Variants in ICE1 observed in about 807,000 individuals in gnomAD.
ICE1 encodes the protein little elongation complex subunit 1.
In ICE1, 64 loss-of-function variants were observed where a neutral mutation model predicts 192.7. The ratio of observed to expected loss-of-function variants is 0.33; its 90% CI spans 0.27 to 0.41. ICE1 has a LOEUF of 0.41. Among genes scored for constraint, ICE1 ranks in the 10% least tolerant of loss-of-function variants. ICE1 has a pLI of 1.00. For synonymous variants in ICE1, 1,010 were observed against 984.5 expected (o/e 1.03, Z -0.49); for missense variants, 2,708 against 2,696.0 (o/e 1.00, Z -0.10).
intron 1 of ICE1, among the ~76,000 whole-genome samples, chr5:5,429,734 C>G (rs1737641623): frequency 6.6e-6 from 1 of 152,222 alleles, no homozygotes; most frequent in Non-Finnish European, 1.5e-5. Context: ...CTAGCTTGCT[C>G]CTTGCCCTGT....
At chr5:5,424,328 G>GGAGAACACA (rs1432265217) in intron 1 of ICE1, among the ~76,000 whole-genome samples, 1 of 152,134 alleles carries the variant, frequency 6.6e-6, no homozygotes, top group African/African-American at 2.4e-5. Context: ...AGAACTAACA[G>GGAGAACACA]ATCATTGCCT....
chr5:5,453,273 G>C (rs1208252039), intron 10 of ICE1, among the ~76,000 whole-genome samples: 1 of 152,074 alleles, frequency 6.6e-6, no homozygotes, highest in Non-Finnish European at 1.5e-5. Context: ...CTGAAAAATG[G>C]ATATGGCTCA....
At chr5:5,449,033 T>G (rs1216595451) in intron 10 of ICE1, among the ~76,000 whole-genome samples, 2 of 151,286 alleles carry the variant, frequency 1.3e-5, no homozygotes, top group African/African-American at 4.8e-5. Flanking sequence ...CTGACAGATT[T>G]GTTTTACAAT....
Position 5,465,023 on chromosome 5 carries a change from GT to G in ICE1, c.5692del (p.Ser1898HisfsTer5). On this transcript the variant is annotated frameshift_variant, in exon 13 of 19. Coordinates refer to ENST00000296564, the MANE Select transcript of ICE1 (RefSeq NM_015325.3). LOFTEE classifies it high-confidence loss of function. The part of the protein sequence containing the change: ...RSCSSPAVSA[V>X]SQLPLSPKET... ...TTGTTCTAGTCCAGCCGTCAGTGCAGTTTCACAGTTGCCTTTAAGCCCAAAA... is the reference window on the plus strand; with the variant it reads ...TTGTTCTAGTCCAGCCGTCAGTGCAGTTCACAGTTGCCTTTAAGCCCAAAA... 6.2e-7 allele frequency: 1 copy of G among 1,613,968 alleles called. No homozygotes were observed. Among genetic ancestry groups the G allele is most frequent in the Non-Finnish European group, 8.5e-7 (1 of 1,179,888 alleles).
At chr5:5,441,642 C>G (rs1046006741) in intron 5 of ICE1, among the ~76,000 whole-genome samples, 1 of 152,094 alleles carries the variant, frequency 6.6e-6, no homozygotes, top group Non-Finnish European at 1.5e-5. Flanking sequence ...GTGGCTCTGG[C>G]CTATCTTTGG....
chr5:5,449,107 T>G (rs1738337385), intron 10 of ICE1, among the ~76,000 whole-genome samples: 1 of 152,232 alleles, frequency 6.6e-6, no homozygotes, highest in Non-Finnish European at 1.5e-5. Flanking sequence ...GTAGTTGCTC[T>G]CTCTCCCTAT....
Position 5,462,030 on chromosome 5 carries a change from C to T in ICE1, c.2696C>T (p.Ser899Leu). Residue 899 changes from serine to leucine, a missense_variant, in exon 13 of 19, where the codon TCA (serine) becomes TTA (leucine). By Grantham distance (145) the Ser-to-Leu change is moderately radical. Transcript: ENST00000296564. ...TENSGNKTGM[S>L]TVAKCDGERD... ...AATAGTGGCAACAAAACCGGTATGT[C>T]AACTGTAGCAAAATGTGATGGGGAA... 6.2e-7 allele frequency: 1 copy of T among 1,613,924 alleles called. No individual in the cohort carries two copies. Among genetic ancestry groups the T allele is most frequent in the Non-Finnish European group, 8.5e-7 (1 of 1,179,882 alleles).
At chr5:5,487,052 G>A (rs551476864) in intron 18 of ICE1, among the ~76,000 whole-genome samples, 14 of 152,288 alleles carry the variant, frequency 9.2e-5, no homozygotes, top group African/African-American at 3.4e-4. Flanking sequence ...GCTTTCCTAA[G>A]GAAGAAGAAA....
intron 15 of ICE1, among the ~76,000 whole-genome samples, chr5:5,470,447 T>C (rs991064221): frequency 2.0e-5 from 3 of 152,230 alleles, no homozygotes; most frequent in Non-Finnish European, 4.4e-5. Flanking sequence ...TTAGTAAATG[T>C]ATTTGCTAAA....
chr5:5,452,675 A>G (rs143696540), intron 10 of ICE1, among the ~76,000 whole-genome samples: 175 of 152,252 alleles, frequency 1.1e-3, no homozygotes, highest in African/African-American at 3.9e-3. Flanking sequence ...TTTATAGGGA[A>G]AAGTGTATGT....
chr5:5,433,775 G>C (rs115113105), intron 1 of ICE1, among the ~76,000 whole-genome samples: 303 of 152,166 alleles, frequency 2.0e-3, no homozygotes, highest in African/African-American at 6.9e-3. Context: ...ATGATTTAAC[G>C]CTTAACAGAT....
chr5:5,441,054 A>G (rs899108308), intron 4 of ICE1, 58 bp from the exon 5 acceptor site: 3 of 1,056,566 alleles, frequency 2.8e-6, no homozygotes, highest in Non-Finnish European at 4.2e-6. Context: ...ATAAGCACAT[A>G]TATTTAATAC....
Position 5,461,066 on chromosome 5 carries a change from C to T in ICE1, c.1732C>T (p.Arg578Cys), listed in dbSNP as rs775097404. The T allele has an allele frequency of 3.3e-5, 53 of 1,613,868 alleles. No individual in the cohort carries two copies. The highest frequency in any genetic ancestry group is 4.2e-5 in the Non-Finnish European group (49 of 1,179,888). ...TAATGAAATCACTTCTGAACCAGAC[C>T]GTATCACAGTTTCTGGCCATTTTCA... is the stretch of plus-strand genomic sequence containing the variant. The part of the protein sequence containing the change: ...RINEITSEPD[R>C]ITVSGHFHRL... The change falls in exon 13 of 19, where the codon CGT becomes TGT. Residue 578 changes from arginine (R) to cysteine (C), a missense_variant. Physicochemically the swap from Arg to Cys is radical, Grantham distance 180. This residue lies in a region of ICE1 where 2,366 missense variants were observed against 2,276.6 expected (regional missense o/e 1.04). Transcript: ENST00000296564.
At chr5:5,471,829 G>T (rs1297493190) in intron 15 of ICE1, among the ~76,000 whole-genome samples, 1 of 152,118 alleles carries the variant, frequency 6.6e-6, no homozygotes. Context: ...ATGGTGGGAA[G>T]TATTTCCCTG....
At chr5:5,457,897 C>T (rs1030939983) in intron 12 of ICE1, among the ~76,000 whole-genome samples, 156 bp downstream of exon 12, 2 of 152,118 alleles carry the variant, frequency 1.3e-5, no homozygotes, top group Non-Finnish European at 2.9e-5. Flanking sequence ...AAAAGCATGC[C>T]ACTACCCTTT....
At chr5:5,475,170 G>C (rs954380290) in intron 16 of ICE1, among the ~76,000 whole-genome samples, 15 of 152,086 alleles carry the variant, frequency 9.9e-5, no homozygotes, top group Non-Finnish European at 1.5e-4. Flanking sequence ...AAGATGCTTC[G>C]TCCACGATCC....
chr5:5,441,670 G>A (rs1322471384), intron 5 of ICE1, among the ~76,000 whole-genome samples: 1 of 152,204 alleles, frequency 6.6e-6, no homozygotes, highest in East Asian at 1.9e-4. Flanking sequence ...AGTGGTGAAT[G>A]AAGCGTGTAG....
chr5:5,448,644 TCTCA>T, intron 10 of ICE1, among the ~76,000 whole-genome samples: 1 of 151,740 alleles, frequency 6.6e-6, no homozygotes, highest in East Asian at 2.0e-4. Context: ...TGGTATTTCA[TCTCA>T]CTAATGTGTT....
At chr5:5,427,450 T>C (rs1291733751) in intron 1 of ICE1, among the ~76,000 whole-genome samples, 1 of 152,218 alleles carries the variant, frequency 6.6e-6, no homozygotes, top group Non-Finnish European at 1.5e-5. Context: ...ATTTGCTGAC[T>C]TCACTGCAGT....
Sources: gnomAD v4.1 joint callset for allele counts (sites outside exome capture counted in the v4.1 genomes callset) on GRCh38, gnomAD v4.1.1 for gene constraint, gnomAD v4.1.1 regional missense constraint, MANE v1.5 for transcripts, NCBI Gene and HGNC (gene_info 2026-07-23, HGNC 2026-07-21) for gene names.